The following MYH11 variants were observed in gnomAD, a reference collection of about 807,000 sequenced individuals.
MYH11 encodes the protein myosin heavy chain 11.
In MYH11, 80 loss-of-function variants were observed where a neutral mutation model predicts 246.6. The observed-to-expected ratio is 0.32, with a 90% confidence interval of 0.27 to 0.39. The LOEUF (loss-of-function observed/expected upper bound fraction) is 0.39, where lower values mean the gene tolerates loss of function less well. Ranked by LOEUF, MYH11 falls within the 10% of genes least tolerant of loss-of-function variation. The pLI is 1.00. For missense variants in MYH11, 2,158 were observed against 2,546.8 expected (o/e 0.85, Z 3.29); for synonymous variants, 1,071 against 1,015.5 (o/e 1.05, Z -1.04).
In MYH11 at chr16:15,715,306, G is replaced by A. The variant is rs781709429; in HGVS notation, c.5505-34C>T. Reference sequence around the variant, plus strand: ...AGCAAGGAAAACAGGTGGTTTCAGCGGAGGGTGGCACCCCTTGTAGCTGGT... The same window carrying A: ...AGCAAGGAAAACAGGTGGTTTCAGCAGAGGGTGGCACCCCTTGTAGCTGGT... On this transcript the variant is annotated intron_variant, in intron 38 of 40. Coordinates refer to ENST00000300036, the MANE Select transcript of MYH11 (RefSeq NM_002474.3). 1.3e-4 allele frequency: 217 copies of A among 1,607,720 alleles called. 1 individual carries two copies. The highest frequency in any genetic ancestry group is 9.7e-4 in the Admixed American group (58 of 59,980).
intron 10 of MYH11, among the ~76,000 whole-genome samples, chr16:15,763,556 A>C (rs1296933869): frequency 6.6e-6 from 1 of 152,172 alleles, no homozygotes; most frequent in Non-Finnish European, 1.5e-5. Flanking sequence ...TTTAAAAAAA[A>C]GAACAAATAA....
chr16:15,832,242 T>C (rs923534384), intron 2 of MYH11, among the ~76,000 whole-genome samples: 2 of 152,110 alleles, frequency 1.3e-5, no homozygotes, highest in South Asian at 2.1e-4. Context: ...TTGGGGTTCA[T>C]GGTTCAGGGA....
intron 40 of MYH11, among the ~76,000 whole-genome samples, chr16:15,707,160 T>G (rs1319485418): frequency 2.0e-5 from 3 of 152,130 alleles, no homozygotes; most frequent in Non-Finnish European, 4.4e-5. Context: ...TGCCTCAGCC[T>G]TCCAAGTAAC....
In MYH11 at chr16:15,809,199, G is replaced by A. The variant is rs79908482; in HGVS notation, c.503-10512C>T. ...TGATTCAATTCGTATTTACACATAC[G>A]CACAGTAGGCTGTGTCTAGGGCAAC... On this transcript the variant is annotated intron_variant, in intron 3 of 40. Coordinates refer to ENST00000300036, the MANE Select transcript of MYH11 (RefSeq NM_002474.3). Among the ~76,000 whole-genome samples the A allele has an allele frequency of 1.1e-3, 161 of 152,230 alleles. 1 individual carries two copies. In the East Asian group the frequency reaches 0.029, roughly 28 times the overall value.
At position 15,838,157 on chromosome 16, in the gene MYH11, G is replaced by A. The variant is rs761935671; in HGVS notation, c.96C>T (p.Ala32=). Reference sequence around the variant, plus strand: ...CCGAGGGGACCCAGACGAGTCTCTTGGCGGCCCAGTCAGCCTGGGCCACTG... The same window carrying A: ...CCGAGGGGACCCAGACGAGTCTCTTAGCGGCCCAGTCAGCCTGGGCCACTG... ...NSPVAQADWA[A]KRLVWVPSEK... is the part of the protein sequence containing the mutation. Residue 32 remains alanine (A), a synonymous_variant, in exon 2 of 41, where the codon GCC becomes GCT. Coordinates refer to ENST00000300036, the MANE Select transcript of MYH11 (RefSeq NM_002474.3). The A allele has an allele frequency of 2.5e-6, 4 of 1,614,066 alleles. No individual in the cohort carries two copies. Among genetic ancestry groups the A allele is most frequent in the Non-Finnish European group, 3.4e-6 (4 of 1,179,998 alleles).
At chr16:15,852,910 G>C (rs2044366947) in intron 1 of MYH11, among the ~76,000 whole-genome samples, 1 of 152,160 alleles carries the variant, frequency 6.6e-6, no homozygotes, top group East Asian at 1.9e-4. Context: ...TTTACTCAGA[G>C]ATGGCATTAG....
At chr16:15,796,807 G>A (rs1226493948) in intron 4 of MYH11, among the ~76,000 whole-genome samples, 1 of 152,184 alleles carries the variant, frequency 6.6e-6, no homozygotes, top group Non-Finnish European at 1.5e-5. Context: ...TGGAGGAAGA[G>A]ACCATGAGCC....
chr16:15,807,001 T>G (rs2043029618), intron 3 of MYH11, among the ~76,000 whole-genome samples: 1 of 152,138 alleles, frequency 6.6e-6, no homozygotes. Flanking sequence ...GTCACTCTGA[T>G]GCCCAGGCTG....
intron 14 of MYH11, among the ~76,000 whole-genome samples, chr16:15,755,535 T>C (rs2041688985): frequency 6.6e-6 from 1 of 152,124 alleles, no homozygotes; most frequent in Admixed American, 6.5e-5. Flanking sequence ...GTGCTCATAA[T>C]CCCAGCACTT....
intron 26 of MYH11, 86 bp from the exon 27 acceptor site, chr16:15,732,794 G>A: frequency 6.5e-7 from 1 of 1,534,850 alleles, no homozygotes; most frequent in South Asian, 1.1e-5. Context: ...AGCTCTTCCA[G>A]GACCCAGAGC....
chr16:15,808,513 A>G (rs2043065770), intron 3 of MYH11, among the ~76,000 whole-genome samples: 1 of 152,114 alleles, frequency 6.6e-6, no homozygotes, highest in Non-Finnish European at 1.5e-5. Context: ...GTTGGTTAGG[A>G]TGACATGCTG....
chr16:15,789,030 G>A (rs1453925857), intron 4 of MYH11, among the ~76,000 whole-genome samples: 1 of 152,034 alleles, frequency 6.6e-6, no homozygotes, highest in African/African-American at 2.4e-5. Flanking sequence ...AGGGGGAAGG[G>A]TCCCTTTGCT....
intron 1 of MYH11, among the ~76,000 whole-genome samples, chr16:15,846,326 C>A (rs1299930362): frequency 6.6e-6 from 1 of 152,208 alleles, no homozygotes; most frequent in Non-Finnish European, 1.5e-5. Context: ...TCTCACAACA[C>A]ATCCTTGAGC....
chr16:15,726,666 C>T, intron 28 of MYH11, 182 bp downstream of exon 28: 1 of 750,976 alleles, frequency 1.3e-6, no homozygotes. Flanking sequence ...CCGTGCCTGG[C>T]CAGAAGGTTT....
At chr16:15,773,669 A>T (rs973122323) in intron 8 of MYH11, among the ~76,000 whole-genome samples, 6 of 152,148 alleles carry the variant, frequency 3.9e-5, no homozygotes, top group Non-Finnish European at 7.3e-5. Flanking sequence ...TTTTGTAAAT[A>T]AAGTTTTATT....
intron 1 of MYH11, among the ~76,000 whole-genome samples, chr16:15,847,187 C>G (rs1418938368): frequency 6.6e-6 from 1 of 151,550 alleles, no homozygotes; most frequent in Non-Finnish European, 1.5e-5. Context: ...AATTACATCC[C>G]AAGAGGGCTA....
intron 19 of MYH11, 71 bp downstream of exon 19, chr16:15,747,499 G>T: frequency 6.3e-7 from 1 of 1,582,976 alleles, no homozygotes; most frequent in Non-Finnish European, 8.7e-7. Flanking sequence ...TTAGAATCAG[G>T]GAATCAGAAC....
chr16:15,716,868 A>G (rs1377273376), intron 38 of MYH11, among the ~76,000 whole-genome samples: 1 of 150,866 alleles, frequency 6.6e-6, no homozygotes, highest in East Asian at 1.9e-4. Flanking sequence ...GGGAAAAGTC[A>G]TATGTACTGC....
chr16:15,794,549 C>T (rs777778197), intron 4 of MYH11, among the ~76,000 whole-genome samples: 10 of 152,348 alleles, frequency 6.6e-5, no homozygotes, highest in Admixed American at 5.2e-4. Flanking sequence ...TCCTTGCTAA[C>T]GCTGCATTCC....
Sources: allele counts gnomAD v4.1 joint callset (sites outside exome capture counted in the v4.1 genomes callset), GRCh38; gene constraint gnomAD v4.1.1; transcripts MANE v1.5; gene names NCBI Gene and HGNC (gene_info 2026-07-23, HGNC 2026-07-21).